Variants in PDE6A observed in about 807,000 individuals in gnomAD.
The protein encoded by PDE6A is rod cGMP-specific 3',5'-cyclic phosphodiesterase subunit alpha.
Under a neutral mutation model 106.3 loss-of-function variants are expected in PDE6A, and 84 were observed. The observed-to-expected ratio is 0.79, with a 90% CI of 0.66 to 0.95. PDE6A has a LOEUF of 0.95. Ranked by LOEUF, PDE6A falls within the 40% of genes least tolerant of loss-of-function variation. The pLI is 0.00. For missense variants in PDE6A, 1,052 were observed against 1,084.9 expected, an observed-to-expected ratio of 0.97 and a Z score of 0.43; for synonymous variants, 394 against 386.6, an observed-to-expected ratio of 1.02 and a Z score of -0.23.
chr5:149,940,433 T>C (rs1337661730), intron 1 of PDE6A, among the ~76,000 whole-genome samples: 1 of 151,854 alleles, frequency 6.6e-6, no homozygotes, highest in Non-Finnish European at 1.5e-5. Context: ...CCACCGGGTA[T>C]GCTTTCCACA....
chr5:149,860,305 G>A lies in PDE6A; in HGVS notation c.*590C>T, dbSNP rs1760087591. ...ATATTGGAATCTGGGTGATGGGTAT[G>A]TGGGGATTCAACGTACAATTCTCTA... On this transcript the variant is annotated 3_prime_UTR_variant, in exon 22 of 22. Coordinates refer to ENST00000255266, the MANE Select transcript of PDE6A (RefSeq NM_000440.3). The A allele has an allele frequency of 6.6e-6, 1 of 152,338 alleles. No homozygotes were observed. Among genetic ancestry groups the A allele is most frequent in the Admixed American group, 6.5e-5 (1 of 15,290 alleles). The allele number at this position is 152,338 out of a possible 1,614,324, so 9.4% of individuals were successfully genotyped here.
intron 3 of PDE6A, chr5:149,932,760 A>AGGGG (rs1754079653): frequency 4.7e-6 from 5 of 1,074,422 alleles, no homozygotes; most frequent in Non-Finnish European, 6.9e-6. Context: ...TCTGTGCTTC[A>AGGGG]TATTAAATCC....
At chr5:149,870,963 G>A (rs145494040) in intron 17 of PDE6A, among the ~76,000 whole-genome samples, 4,141 of 145,292 alleles carry the variant, frequency 0.029, 82 homozygotes, top group Admixed American at 0.049. Context: ...GAAAAGAAAA[G>A]AAAAAAAGAA....
intron 6 of PDE6A, among the ~76,000 whole-genome samples, chr5:149,913,925 T>C (rs1158706147): frequency 6.6e-6 from 1 of 152,232 alleles, no homozygotes; most frequent in Non-Finnish European, 1.5e-5. Flanking sequence ...ACTGAGAGCA[T>C]TCTTTCCTTT....
chr5:149,896,843 A>G, intron 10 of PDE6A, 67 bp from the exon 11 acceptor site: 1 of 1,539,502 alleles, frequency 6.5e-7, no homozygotes, highest in Non-Finnish European at 9.0e-7. Flanking sequence ...TTCCATTCCC[A>G]TTTATCTCCT....
chr5:149,894,939 C>T (rs1158136722), intron 13 of PDE6A, among the ~76,000 whole-genome samples: 5 of 152,124 alleles, frequency 3.3e-5, no homozygotes, highest in Admixed American at 2.6e-4. Flanking sequence ...ATACTTGTGA[C>T]ATGGTTACCC....
chr5:149,888,733 G>T (rs888013564), intron 13 of PDE6A, among the ~76,000 whole-genome samples: 1 of 151,892 alleles, frequency 6.6e-6, no homozygotes, highest in East Asian at 1.9e-4. Context: ...GTTGTAGAAG[G>T]CTTGTGGAAG....
chr5:149,883,834 G>A (rs910734262), intron 16 of PDE6A, among the ~76,000 whole-genome samples: 6 of 152,284 alleles, frequency 3.9e-5, no homozygotes, highest in African/African-American at 7.2e-5. Context: ...CATAACACAC[G>A]TGTTGTGCCT....
rs137883898 is a variant in PDE6A at position 149,904,497 on chromosome 5, G to C, written c.1066-802C>G. On this transcript the variant is annotated intron_variant, in intron 7 of 21. Coordinates refer to ENST00000255266, the MANE Select transcript of PDE6A (RefSeq NM_000440.3). ...TTGTGTAATGTGTGAACTGCACACA[G>C]GCATCTGGCTGAGGGGCAACTGGGA... Among the ~76,000 whole-genome samples, 77 of 152,278 alleles carry C rather than the reference G, an allele frequency of 5.1e-4. No homozygotes were observed. In the East Asian group the frequency reaches 6.4e-3, roughly 13 times the overall value.
chr5:149,896,915 AT>A (rs1752776799), intron 10 of PDE6A, 139 bp from the exon 11 acceptor site: 1 of 925,072 alleles, frequency 1.1e-6, no homozygotes, highest in Non-Finnish European at 1.7e-6. Context: ...ACATCCATTG[AT>A]GCACAAGGTC....
At chr5:149,891,819 A>C (rs1351581488) in intron 13 of PDE6A, among the ~76,000 whole-genome samples, 1 of 152,096 alleles carries the variant, frequency 6.6e-6, no homozygotes, top group Non-Finnish European at 1.5e-5. Context: ...AAAAGGAAAA[A>C]AAAAGTTTGG....
At position 149,863,258 on chromosome 5, in the gene PDE6A, G is replaced by A; in HGVS notation, c.2367C>T (p.Ser789=). The A allele has an allele frequency of 6.2e-7, 1 of 1,614,180 alleles. No individual in the cohort carries two copies. Among genetic ancestry groups the A allele is most frequent in the South Asian group, 1.1e-5 (1 of 91,084 alleles). Residue 789 remains serine, a synonymous_variant, in exon 21 of 22, where the codon TCC becomes TCT. Coordinates refer to ENST00000255266, the MANE Select transcript of PDE6A (RefSeq NM_000440.3). The surrounding 1 kb of genome is among the most constrained non-coding windows in gnomAD (Gnocchi z 4.7). ...FVCTFVYKEF[S]RFHEEITPML... ...TTGGGGTGATCTCCTCGTGGAAACG[G>A]GAGAATTCCTAGAAGAGAGAGTATG...
At chr5:149,915,244 C>T (rs1344397969) in intron 5 of PDE6A, among the ~76,000 whole-genome samples, 3 of 151,490 alleles carry the variant, frequency 2.0e-5, no homozygotes, top group African/African-American at 7.3e-5. Context: ...CTCCTGACCC[C>T]ATGATCTGCC....
chr5:149,932,229 G>C, intron 3 of PDE6A: 2 of 1,378,646 alleles, frequency 1.5e-6, no homozygotes, highest in Non-Finnish European at 2.1e-6. Flanking sequence ...GCCATAAAGA[G>C]AATCATTTCT....
chr5:149,938,062 G>A (rs1307690784), intron 1 of PDE6A, among the ~76,000 whole-genome samples: 1 of 152,120 alleles, frequency 6.6e-6, no homozygotes, highest in Non-Finnish European at 1.5e-5. Flanking sequence ...TGTTCTCAGT[G>A]GGTTCTCATG....
In PDE6A at chr5:149,858,472, G is replaced by A. The variant is rs1426127450; in HGVS notation, c.*2423C>T. The stretch of plus-strand genomic sequence containing the variant: ...TACTTGCCAGAACATACTTAGATTC[G>A]GTTTAAAAGAAATAAGTCCTGGCCA... On this transcript the variant is annotated 3_prime_UTR_variant, in exon 22 of 22. Transcript: ENST00000255266. The A allele has an allele frequency of 1.3e-5, 2 of 152,162 alleles. No individual in the cohort carries two copies. Among genetic ancestry groups the A allele is most frequent in the Non-Finnish European group, 2.9e-5 (2 of 68,038 alleles). 9.4% of individuals were successfully genotyped at this position (152,162 alleles called of 1,614,324 possible).
intron 17 of PDE6A, among the ~76,000 whole-genome samples, chr5:149,882,396 G>A (rs1486550441): frequency 6.6e-6 from 1 of 152,040 alleles, no homozygotes; most frequent in Non-Finnish European, 1.5e-5. Context: ...TAGGCAACTA[G>A]TCAGCCTTGT....
At chr5:149,870,782 A>C (rs1194948732) in intron 17 of PDE6A, among the ~76,000 whole-genome samples, 3 of 151,656 alleles carry the variant, frequency 2.0e-5, no homozygotes, top group South Asian at 4.2e-4. Flanking sequence ...AAAAAAAAAA[A>C]AAAAAAAAAA....
chr5:149,899,285 C>T (rs776287212), intron 9 of PDE6A, 90 bp downstream of exon 9: 5 of 1,326,420 alleles, frequency 3.8e-6, no homozygotes, highest in Non-Finnish European at 5.4e-6. Context: ...AACCAGGTTG[C>T]TGCCCCATGT....
Sources: allele counts gnomAD v4.1 joint callset (sites outside exome capture counted in the v4.1 genomes callset), GRCh38; gene constraint gnomAD v4.1.1; non-coding constraint Gnocchi (gnomAD v3.1); transcripts MANE v1.5; gene names NCBI Gene and HGNC (gene_info 2026-07-23, HGNC 2026-07-21).